PTPRT: variants seen among roughly 807,000 people sequenced by gnomAD.
The protein encoded by PTPRT is protein tyrosine phosphatase receptor type T.
A neutral mutation model predicts 176.8 loss-of-function variants in PTPRT; 56 were observed. The ratio of observed to expected loss-of-function variants is 0.32; its 90% confidence interval spans 0.26 to 0.40. The LOEUF is 0.40. Among genes scored for constraint, PTPRT ranks in the 10% least tolerant of loss-of-function variants. The probability of loss-of-function intolerance (pLI) is 1.00; values close to 1 mark genes in which losing one functional copy is unlikely to be tolerated. For synonymous variants in PTPRT, 783 were observed against 739.0 expected (o/e 1.06, Z -0.96); for missense variants, 1,540 against 1,908.2 (o/e 0.81, Z 3.60).
At chr20:42,665,020 A>T (rs941797986) in intron 7 of PTPRT, among the ~76,000 whole-genome samples, 2 of 152,276 alleles carry the variant, frequency 1.3e-5, no homozygotes, top group Middle Eastern at 3.4e-3. Flanking sequence ...AGGCAATACC[A>T]TTCAGGACAT....
intron 1 of PTPRT, among the ~76,000 whole-genome samples, chr20:43,100,648 G>A (rs2012359690): frequency 6.6e-6 from 1 of 152,198 alleles, no homozygotes; most frequent in South Asian, 2.1e-4. Flanking sequence ...CTGTGTTAGA[G>A]GTCAGGGACA....
chr20:42,116,292 G>A (rs1987279129), intron 21 of PTPRT, among the ~76,000 whole-genome samples: 1 of 152,164 alleles, frequency 6.6e-6, no homozygotes, highest in African/African-American at 2.4e-5. Flanking sequence ...AGAGGACGCA[G>A]CATTTCCCAA....
intron 7 of PTPRT, among the ~76,000 whole-genome samples, chr20:42,537,278 G>T (rs1169987733): frequency 6.6e-6 from 1 of 152,060 alleles, no homozygotes; most frequent in African/African-American, 2.4e-5. Context: ...AGTTTAAATG[G>T]ACATAGTATT....
At chr20:42,324,282 A>G (rs957185252) in intron 11 of PTPRT, among the ~76,000 whole-genome samples, 3 of 152,200 alleles carry the variant, frequency 2.0e-5, no homozygotes, top group South Asian at 4.1e-4. Flanking sequence ...TACATATTGT[A>G]TGATTCTATT....
chr20:43,034,157 G>A (rs1428388053), intron 1 of PTPRT, among the ~76,000 whole-genome samples: 1 of 152,174 alleles, frequency 6.6e-6, no homozygotes, highest in Admixed American at 6.5e-5. Context: ...CCCACAGAAA[G>A]AACCATCCAA....
At chr20:42,699,447 A>G (rs1241686508) in intron 6 of PTPRT, among the ~76,000 whole-genome samples, 1 of 151,950 alleles carries the variant, frequency 6.6e-6, no homozygotes, top group Non-Finnish European at 1.5e-5. Flanking sequence ...CTTATAAATT[A>G]TTTTAATAGT....
chr20:42,323,552 T>C (rs1396591782), intron 11 of PTPRT, among the ~76,000 whole-genome samples: 2 of 151,946 alleles, frequency 1.3e-5, no homozygotes, highest in East Asian at 3.9e-4. Context: ...TAGGTGGGAA[T>C]TGAACCAATG....
intron 7 of PTPRT, among the ~76,000 whole-genome samples, chr20:42,539,228 G>T (rs896112995): frequency 6.6e-6 from 1 of 152,158 alleles, no homozygotes. Flanking sequence ...ACTAACTGTG[G>T]TTCCTAGGCT....
intron 1 of PTPRT, among the ~76,000 whole-genome samples, chr20:43,156,437 G>A (rs375972593): frequency 8.5e-5 from 13 of 152,212 alleles, no homozygotes; most frequent in African/African-American, 2.9e-4. Flanking sequence ...TAAAATGACT[G>A]ATGAATGGAG....
At position 42,296,877 on chromosome 20, in the gene PTPRT, C is replaced by G. The variant is rs188642604; in HGVS notation, c.2140-14352G>C. ...TGCTTGAGGGGATGGATACCCCATT[C>G]TCAATGATGTACTTATTTCATATCA... On this transcript the variant is annotated intron_variant, in intron 12 of 30. Coordinates refer to ENST00000373187, the MANE Select transcript of PTPRT (RefSeq NM_007050.6). Among the ~76,000 whole-genome samples the G allele has an allele frequency of 3.6e-3, 541 of 152,214 alleles. 4 individuals carry two copies. The highest frequency in any genetic ancestry group is 0.013 in the African/African-American group (525 of 41,532).
chr20:42,576,119 G>C (rs1296858582), intron 7 of PTPRT, among the ~76,000 whole-genome samples: 1 of 152,154 alleles, frequency 6.6e-6, no homozygotes, highest in Non-Finnish European at 1.5e-5. Context: ...GCTGGGGTAA[G>C]TGCCTGTTGG....
intron 15 of PTPRT, among the ~76,000 whole-genome samples, chr20:42,214,552 G>A (rs118154239): frequency 6.6e-6 from 1 of 152,306 alleles, no homozygotes; most frequent in East Asian, 1.9e-4. Flanking sequence ...AATTTGAAAG[G>A]CCAAAGGACT....
rs149540352 is a variant in PTPRT, at chr20:42,885,999, C to T, written c.89-67G>A. ...GAGGCTTGGTTCGTTACCTCTGTCT[C>T]GTCGGCTCTTCATTTACAGCTTTGA... is the stretch of plus-strand genomic sequence containing the variant. On this transcript the variant is annotated intron_variant, in intron 1 of 30. Transcript: ENST00000373187. The T allele has an allele frequency of 5.3e-5, 73 of 1,368,018 alleles. No individual in the cohort carries two copies. In the African/African-American group the frequency reaches 9.8e-4, roughly 18 times the overall value. 84.7% of individuals were successfully genotyped at this position (1,368,018 alleles called of 1,614,324 possible).
chr20:42,892,087 A>ACCC (rs2079203092), intron 1 of PTPRT, among the ~76,000 whole-genome samples: 1 of 152,202 alleles, frequency 6.6e-6, no homozygotes, highest in African/African-American at 2.4e-5. Flanking sequence ...AGAAAGAAGT[A>ACCC]TTGCTTTCTT....
intron 7 of PTPRT, among the ~76,000 whole-genome samples, chr20:42,508,603 C>G (rs2071892146): frequency 1.3e-5 from 2 of 151,982 alleles, no homozygotes; most frequent in African/African-American, 4.8e-5. Context: ...CTCAACGCAA[C>G]CTTACCAAGA....
intron 8 of PTPRT, among the ~76,000 whole-genome samples, chr20:42,465,761 G>A (rs759822233): frequency 1.2e-4 from 18 of 152,116 alleles, no homozygotes; most frequent in Non-Finnish European, 2.1e-4. Context: ...GTTTTTTAAT[G>A]GTGTTTTTAT....
chr20:42,443,100 A>AAT (rs2059332623), intron 9 of PTPRT, among the ~76,000 whole-genome samples: 1 of 152,228 alleles, frequency 6.6e-6, no homozygotes, highest in African/African-American at 2.4e-5. Flanking sequence ...ACGTCAGGTG[A>AAT]GCAGGAATAT....
chr20:42,466,959 G>C (rs886378206), intron 8 of PTPRT, among the ~76,000 whole-genome samples: 3 of 152,302 alleles, frequency 2.0e-5, no homozygotes, highest in African/African-American at 7.2e-5. Flanking sequence ...AGCTTGAAGA[G>C]ACTGCCACTG....
intron 1 of PTPRT, among the ~76,000 whole-genome samples, chr20:43,074,939 C>A (rs941097309): frequency 5.3e-5 from 8 of 152,210 alleles, no homozygotes; most frequent in Non-Finnish European, 1.0e-4. Context: ...AAAGAATGTG[C>A]TGATGTGCTT....
Sources: gnomAD v4.1 joint callset for allele counts (sites outside exome capture counted in the v4.1 genomes callset) on GRCh38, gnomAD v4.1.1 for gene constraint, MANE v1.5 for transcripts, NCBI Gene and HGNC (gene_info 2026-07-23, HGNC 2026-07-21) for gene names.